Variants in CMIP observed in about 807,000 individuals in gnomAD.
The protein encoded by CMIP is c-Maf inducing protein, also known as C-Maf-inducing protein.
A neutral mutation model predicts 97.3 loss-of-function variants in CMIP; 13 were observed. The ratio of observed to expected loss-of-function variants is 0.13; its 90% confidence interval spans 0.09 to 0.21. The LOEUF (loss-of-function observed/expected upper bound fraction) is 0.21, where lower values mean the gene tolerates loss of function less well. CMIP is among the 10% of genes least tolerant of loss of function. CMIP has a pLI of 1.00. For missense variants in CMIP, 847 were observed against 1,024.9 expected (o/e 0.83, Z 2.37); for synonymous variants, 538 against 436.3 (o/e 1.23, Z -2.91).
chr16:81,629,767 C>G (rs927723342), intron 3 of CMIP, among the ~76,000 whole-genome samples: 17 of 152,238 alleles, frequency 1.1e-4, no homozygotes, highest in Admixed American at 1.0e-3. Flanking sequence ...CCAAGGGAGG[C>G]TTCCTAATGG....
intron 3 of CMIP, among the ~76,000 whole-genome samples, chr16:81,647,556 A>G (rs2092377635): frequency 6.6e-6 from 1 of 152,088 alleles, no homozygotes; most frequent in South Asian, 2.1e-4. Context: ...CTTCAGAAGA[A>G]TCCAGTGGCC....
intron 1 of CMIP, among the ~76,000 whole-genome samples, chr16:81,493,389 G>A (rs2089436422): frequency 6.6e-6 from 1 of 150,418 alleles, no homozygotes; most frequent in Non-Finnish European, 1.5e-5. Flanking sequence ...GTCGTTACCT[G>A]TTGTCTGGAC....
intron 1 of CMIP, among the ~76,000 whole-genome samples, chr16:81,495,659 G>C (rs991980184): frequency 1.3e-5 from 2 of 152,216 alleles, no homozygotes; most frequent in Non-Finnish European, 2.9e-5. Context: ...CTCTTTTTAT[G>C]TTTGTGGGAG....
intron 3 of CMIP, among the ~76,000 whole-genome samples, chr16:81,622,357 T>A (rs1193267528): frequency 6.6e-6 from 1 of 152,192 alleles, no homozygotes; most frequent in African/African-American, 2.4e-5. Flanking sequence ...GAGAGCTCTG[T>A]ATCCACTGGG....
intron 1 of CMIP, among the ~76,000 whole-genome samples, chr16:81,591,091 C>G (rs2091460101): frequency 6.6e-6 from 1 of 152,162 alleles, no homozygotes; most frequent in Admixed American, 6.5e-5. Flanking sequence ...TTGCTAAGCT[C>G]TGATTTAGAG....
chr16:81,473,327 A>C (rs908334481), intron 1 of CMIP, among the ~76,000 whole-genome samples: 2 of 152,200 alleles, frequency 1.3e-5, no homozygotes, highest in Admixed American at 1.3e-4. Context: ...GGGTGTCAGC[A>C]GGGGCCGCTC....
intron 1 of CMIP, among the ~76,000 whole-genome samples, chr16:81,497,406 C>G (rs1365398715): frequency 1.3e-5 from 2 of 152,302 alleles, no homozygotes; most frequent in East Asian, 3.9e-4. Context: ...CAAGAGGCCA[C>G]TTAGAGCTGG....
intron 1 of CMIP, among the ~76,000 whole-genome samples, chr16:81,587,511 G>A (rs973980864): frequency 6.6e-5 from 10 of 152,160 alleles, no homozygotes; most frequent in South Asian, 2.1e-4. Flanking sequence ...CACAGATTGC[G>A]CAGATCATCA....
At chr16:81,699,650 C>T (rs1277879660) in intron 14 of CMIP, 35 bp from the exon 15 acceptor site, 2 of 1,418,994 alleles carry the variant, frequency 1.4e-6, no homozygotes, top group Non-Finnish European at 2.0e-6. Context: ...CACTGGGTGT[C>T]TCTGTCCCTT....
chr16:81,597,696 G>T (rs972539392), intron 1 of CMIP, among the ~76,000 whole-genome samples: 1 of 152,148 alleles, frequency 6.6e-6, no homozygotes. Flanking sequence ...TCCAGCAGGG[G>T]CTTGGGCCAG....
intron 1 of CMIP, among the ~76,000 whole-genome samples, chr16:81,545,777 C>T (rs900160186): frequency 1.3e-5 from 2 of 152,222 alleles, no homozygotes; most frequent in South Asian, 2.1e-4. Context: ...GGCATAGAAG[C>T]CTTCCTGCCG....
chr16:81,540,079 G>A (rs928312222), intron 1 of CMIP, among the ~76,000 whole-genome samples: 19 of 152,190 alleles, frequency 1.2e-4, no homozygotes, highest in African/African-American at 4.1e-4. Flanking sequence ...CACCTTGAAA[G>A]GTCGTTTTTA....
intron 1 of CMIP, among the ~76,000 whole-genome samples, chr16:81,505,081 C>G (rs1302453430): frequency 6.6e-6 from 1 of 152,232 alleles, no homozygotes; most frequent in Non-Finnish European, 1.5e-5. Flanking sequence ...CAGGGCACAT[C>G]AGTCGGGAGC....
rs536538520 is a variant in CMIP at position 81,614,623 on chromosome 16, C to T, written c.427-6253C>T. Among the ~76,000 whole-genome samples, 19 of 152,120 alleles carry T rather than the reference C, an allele frequency of 1.2e-4. No homozygotes were observed. In the South Asian group the frequency reaches 3.7e-3, roughly 30 times the overall value. On this transcript the variant is annotated intron_variant, in intron 2 of 20. Coordinates refer to ENST00000537098, the MANE Select transcript of CMIP (RefSeq NM_198390.3). This position sits in a 1 kb window ranked among gnomAD's most constrained non-coding sequence, Gnocchi z 5.3. ...TGGTCCATGGTAGATTCCAAAACTACCTGCACAGTCCTGCGTGTGGGACTG... is the reference window on the plus strand; with the variant it reads ...TGGTCCATGGTAGATTCCAAAACTATCTGCACAGTCCTGCGTGTGGGACTG...
At chr16:81,612,110 G>C (rs1217062249) in intron 2 of CMIP, among the ~76,000 whole-genome samples, 2 of 152,210 alleles carry the variant, frequency 1.3e-5, no homozygotes, top group Non-Finnish European at 2.9e-5. Flanking sequence ...TAAGTACATA[G>C]ACAGTGTCAT....
intron 1 of CMIP, among the ~76,000 whole-genome samples, chr16:81,598,968 C>CAAAAAAAAAAAA (rs141717317): frequency 4.0e-5 from 2 of 49,854 alleles, no homozygotes; most frequent in African/African-American, 8.0e-5. Flanking sequence ...GACTCTGTCT[C>CAAAAAAAAAAAA]AAAAAAAAAA....
At chr16:81,657,252 T>A (rs2092493733) in intron 4 of CMIP, among the ~76,000 whole-genome samples, 1 of 152,166 alleles carries the variant, frequency 6.6e-6, no homozygotes, top group Non-Finnish European at 1.5e-5. Context: ...AGCTAAAACA[T>A]CTCGGGCCCA....
intron 1 of CMIP, among the ~76,000 whole-genome samples, chr16:81,514,663 A>G (rs1462109777): frequency 6.6e-6 from 1 of 152,032 alleles, no homozygotes; most frequent in Non-Finnish European, 1.5e-5. Flanking sequence ...AGCCCAGGAG[A>G]AGGTCATGGC....
At chr16:81,708,912 A>G (rs1419740480) in intron 20 of CMIP, among the ~76,000 whole-genome samples, 1 of 152,196 alleles carries the variant, frequency 6.6e-6, no homozygotes, top group Non-Finnish European at 1.5e-5. Flanking sequence ...GTGTTCATGC[A>G]TACATACGTG....
Sources: allele counts gnomAD v4.1 joint callset (sites outside exome capture counted in the v4.1 genomes callset), GRCh38; gene constraint gnomAD v4.1.1; non-coding constraint Gnocchi (gnomAD v3.1); transcripts MANE v1.5; gene names NCBI Gene and HGNC (gene_info 2026-07-23, HGNC 2026-07-21).